Variants in ITGA1 observed in about 807,000 individuals in gnomAD.
ITGA1 encodes integrin subunit alpha 1.
ITGA1 carries 85 observed loss-of-function variants against 145.9 expected under a neutral mutation model. The observed-to-expected ratio is 0.58, with a 90% CI of 0.49 to 0.70. ITGA1 has a LOEUF of 0.70. ITGA1 is among the 30% of genes least tolerant of loss of function. The probability of loss-of-function intolerance (pLI) is 0.00; values close to 1 mark genes in which losing one functional copy is unlikely to be tolerated. For missense variants in ITGA1, 1,351 were observed against 1,418.7 expected (o/e 0.95, Z 0.77); for synonymous variants, 520 against 495.3 (o/e 1.05, Z -0.66).
At chr5:52,801,656 C>T (rs1748489012) in intron 1 of ITGA1, 6 of 1,614,046 alleles carry the variant, frequency 3.7e-6, no homozygotes, top group Non-Finnish European at 5.1e-6. Flanking sequence ...GATGTAGCCA[C>T]ACGGAGCCGG....
At chr5:52,888,085 A>C (rs1428706068) in intron 8 of ITGA1, 120 bp downstream of exon 8, 22 of 1,028,040 alleles carry the variant, frequency 2.1e-5, no homozygotes, top group Non-Finnish European at 2.8e-6. Flanking sequence ...TCTCCATTTG[A>C]AGGTAAGCCC....
At chr5:52,916,308 A>T (rs1750647681) in intron 15 of ITGA1, among the ~76,000 whole-genome samples, 1 of 152,134 alleles carries the variant, frequency 6.6e-6, no homozygotes, top group Non-Finnish European at 1.5e-5. Context: ...AATAAATTTC[A>T]TTAAGAAATA....
In ITGA1 at chr5:52,889,857, G is replaced by A. The variant is rs538369437; in HGVS notation, c.924+1892G>A. On this transcript the variant is annotated intron_variant, in intron 8 of 28. Coordinates refer to ENST00000282588, the MANE Select transcript of ITGA1 (RefSeq NM_181501.2). ...TTCCTGTACCTTCATGGTCACTGGA[G>A]GCCAAGACTCTCCTTCTTCTTAGAG... 6.0e-5 allele frequency: 9 copies of A among 151,138 alleles called. No homozygotes were observed. The East Asian group carries it at 1.6e-3, about 26-fold the overall frequency. 9.4% of individuals were successfully genotyped at this position (151,138 alleles called of 1,614,324 possible).
intron 1 of ITGA1, among the ~76,000 whole-genome samples, chr5:52,799,009 G>A (rs528357461): frequency 6.6e-5 from 10 of 152,096 alleles, no homozygotes; most frequent in South Asian, 2.1e-4. Flanking sequence ...CCTTCCACAC[G>A]CCTATGCCAA....
chr5:52,839,510 A>G (rs1749219070), intron 1 of ITGA1, among the ~76,000 whole-genome samples: 1 of 152,152 alleles, frequency 6.6e-6, no homozygotes, highest in Non-Finnish European at 1.5e-5. Context: ...CATTGGTTCA[A>G]TCTCAGGGTC....
At chr5:52,952,203 A>AG in intron 28 of ITGA1, among the ~76,000 whole-genome samples, 2 of 104,986 alleles carry the variant, frequency 1.9e-5, no homozygotes, top group South Asian at 3.1e-4. Context: ...AAAAAAGAAA[A>AG]GAAAAAAAAA....
intron 1 of ITGA1, among the ~76,000 whole-genome samples, chr5:52,788,766 A>G (rs1748180047): frequency 6.6e-6 from 1 of 152,032 alleles, no homozygotes; most frequent in Non-Finnish European, 1.5e-5. Flanking sequence ...TTTTTATGGC[A>G]TGGGATGGGA....
chr5:52,855,502 G>A (rs890432036), intron 2 of ITGA1, among the ~76,000 whole-genome samples: 1 of 152,018 alleles, frequency 6.6e-6, no homozygotes, highest in African/African-American at 2.4e-5. Context: ...GTACTAGTAT[G>A]AGCACTAAGG....
intron 15 of ITGA1, among the ~76,000 whole-genome samples, chr5:52,916,055 G>A (rs576999268): frequency 6.6e-6 from 1 of 152,148 alleles, no homozygotes; most frequent in African/African-American, 2.4e-5. Context: ...TAATATCTTC[G>A]CTCAGCCTTT....
intron 1 of ITGA1, chr5:52,800,356 T>A: frequency 1.2e-6 from 2 of 1,611,460 alleles, no homozygotes; most frequent in Non-Finnish European, 1.7e-6. Context: ...AGGACCTCCT[T>A]GGTTCCTTTG....
At chr5:52,907,233 C>A (rs1323592993) in intron 12 of ITGA1, among the ~76,000 whole-genome samples, 1 of 152,052 alleles carries the variant, frequency 6.6e-6, no homozygotes, top group Admixed American at 6.6e-5. Flanking sequence ...ACTCTTTGCC[C>A]ACATTTACGC....
At chr5:52,875,311 G>C (rs1749849411) in intron 6 of ITGA1, among the ~76,000 whole-genome samples, 1 of 151,420 alleles carries the variant, frequency 6.6e-6, no homozygotes, top group Non-Finnish European at 1.5e-5. Context: ...GTGGATATTT[G>C]TGTGGGGGCT....
At chr5:52,801,589 A>C in intron 1 of ITGA1, 1 of 1,614,158 alleles carries the variant, frequency 6.2e-7, no homozygotes, top group Non-Finnish European at 8.5e-7. Context: ...GGAGAAGGCC[A>C]ATGAAGCCAT....
At chr5:52,925,185 T>G (rs1750785008) in intron 18 of ITGA1, 93 bp from the exon 19 acceptor site, 1 of 873,248 alleles carries the variant, frequency 1.1e-6, no homozygotes, top group East Asian at 2.5e-5. Flanking sequence ...TAACTTACTT[T>G]GGCTGTATGC....
Position 52,925,500 on chromosome 5 carries a change from T to G in ITGA1, c.2613+13T>G, listed in dbSNP as rs1442549391. On this transcript the variant is annotated intron_variant, in intron 19 of 28. Transcript: ENST00000282588. ...TTCAGGAATTGAGGTAAACTTCCAG[T>G]TTTTCATTTATTTGTTCTCTTAACA... 1 of 1,577,436 alleles carries G rather than the reference T, an allele frequency of 6.3e-7. No homozygotes were observed. Among genetic ancestry groups the G allele is most frequent in the East Asian group, 2.2e-5 (1 of 44,704 alleles).
At chr5:52,848,140 A>C (rs1320254558) in intron 1 of ITGA1, among the ~76,000 whole-genome samples, 1 of 152,234 alleles carries the variant, frequency 6.6e-6, no homozygotes, top group Non-Finnish European at 1.5e-5. Flanking sequence ...CAACACCAAC[A>C]TTATAAGGAG....
Position 52,864,871 on chromosome 5 carries a change from T to C in ITGA1, c.384+20T>C. Reference sequence around the variant, plus strand: ...TTTCTGGTAAGAATGGAGAGAATGATATTTATTGACAACAGATATGCTATC... The same window carrying C: ...TTTCTGGTAAGAATGGAGAGAATGACATTTATTGACAACAGATATGCTATC... On this transcript the variant is annotated intron_variant, in intron 4 of 28. Transcript: ENST00000282588. 6.4e-7 allele frequency: 1 copy of C among 1,572,490 alleles called. No homozygotes were observed. Among genetic ancestry groups the C allele is most frequent in the Non-Finnish European group, 8.7e-7 (1 of 1,143,286 alleles).
chr5:52,842,665 T>C (rs1445224546), intron 1 of ITGA1, among the ~76,000 whole-genome samples: 1 of 148,164 alleles, frequency 6.7e-6, no homozygotes, highest in Non-Finnish European at 1.5e-5. Context: ...AATCACTTGC[T>C]TTTTTTTTTC....
In ITGA1 at chr5:52,956,831, GGC is replaced by G. The variant is rs1751312772; in HGVS notation, c.*4381_*4382del. On this transcript the variant is annotated 3_prime_UTR_variant, in exon 29 of 29. Coordinates refer to ENST00000282588, the MANE Select transcript of ITGA1 (RefSeq NM_181501.2). Reference sequence around the variant, plus strand: ...ATGTACAGTTTAATTCTAAATAGCAGGCTTTTAAATGCAAACAGCTTCCAGGT... The same window carrying G: ...ATGTACAGTTTAATTCTAAATAGCAGTTTTAAATGCAAACAGCTTCCAGGT... 1 of 152,164 alleles carries G rather than the reference GGC, an allele frequency of 6.6e-6. No homozygotes were observed. Among genetic ancestry groups the G allele is most frequent in the Non-Finnish European group, 1.5e-5 (1 of 68,036 alleles). The allele number at this position is 152,164 out of a possible 1,614,324, so 9.4% of individuals were successfully genotyped here.
Sources: gnomAD v4.1 joint callset for allele counts (sites outside exome capture counted in the v4.1 genomes callset) on GRCh38, gnomAD v4.1.1 for gene constraint, MANE v1.5 for transcripts, NCBI Gene and HGNC (gene_info 2026-07-23, HGNC 2026-07-21) for gene names.